PIGG: variants seen among roughly 807,000 people sequenced by gnomAD.
PIGG encodes phosphatidylinositol glycan anchor biosynthesis class G (EMM blood group), also known as GPI ethanolamine phosphate transferase 2, catalytic subunit.
Under a neutral mutation model 83.2 loss-of-function variants are expected in PIGG, and 70 were observed. That is an observed-to-expected ratio of 0.84 (90% CI 0.69 to 1.03). PIGG has a LOEUF of 1.03. Among genes scored for constraint, PIGG ranks in the 50% least tolerant of loss-of-function variants. PIGG has a pLI of 0.00. For missense variants in PIGG, 1,257 were observed against 1,233.6 expected, an observed-to-expected ratio of 1.02 and a Z score of -0.28; for synonymous variants, 532 against 519.5, an observed-to-expected ratio of 1.02 and a Z score of -0.33.
chr4:503,803 A>G lies in PIGG; in HGVS notation c.361-1915A>G, dbSNP rs80020743. 3.8e-3 allele frequency among the ~76,000 whole-genome samples: 582 copies of G among 151,600 alleles called. 6 individuals are homozygous for G. Among genetic ancestry groups the G allele is most frequent in the African/African-American group, 0.013 (552 of 41,268 alleles). ...AGAGTAATTTGTATAGTTTGCTACCATTTTGGTAAAAAATGTGTACCTTCA... is the reference window on the plus strand; with the variant it reads ...AGAGTAATTTGTATAGTTTGCTACCGTTTTGGTAAAAAATGTGTACCTTCA... On this transcript the variant is annotated intron_variant, in intron 2 of 12. Transcript: ENST00000453061.
intron 5 of PIGG, among the ~76,000 whole-genome samples, chr4:510,045 C>T (rs528990610): frequency 2.4e-3 from 368 of 152,210 alleles, no homozygotes; most frequent in African/African-American, 8.5e-3. Flanking sequence ...GCTTCTTGGC[C>T]GAGACCAGCT....
At position 501,240 on chromosome 4, in the gene PIGG, A is replaced by G. The variant is rs1048455628; in HGVS notation, c.360+639A>G. 5.3e-5 allele frequency: 23 copies of G among 431,504 alleles called. No homozygotes were observed. In the East Asian group the frequency reaches 1.5e-3, roughly 28 times the overall value. The allele number at this position is 431,504 out of a possible 1,614,324, so 26.7% of individuals were successfully genotyped here. A position where few individuals can be genotyped will look rare whatever the true frequency, so the allele number is the denominator to read the frequency against. On this transcript the variant is annotated intron_variant, in intron 2 of 12. Transcript: ENST00000453061. Reference sequence around the variant, plus strand: ...GTGGTGATACTTCAATGGGTATGCAATTGGGGAAAAAATAGTATCTCTGCC... The same window carrying G: ...GTGGTGATACTTCAATGGGTATGCAGTTGGGGAAAAAATAGTATCTCTGCC...
rs1725838017 is a variant in PIGG, at chr4:521,400, C to G, written c.1332+127C>G. The G allele has an allele frequency of 1.9e-5, 14 of 728,006 alleles. No individual in the cohort carries two copies. In the South Asian group the frequency reaches 2.9e-4, roughly 15 times the overall value. 45.1% of individuals were successfully genotyped at this position (728,006 alleles called of 1,614,324 possible). On this transcript the variant is annotated intron_variant, in intron 7 of 12. Transcript: ENST00000453061. ...GGAAAATATTAATTTTCTTGTTTAA[C>G]TCTTTCGTGGTGTGTCCTGATTTGT...
At chr4:529,495 G>A (rs954051142) in intron 10 of PIGG, among the ~76,000 whole-genome samples, 9 of 151,794 alleles carry the variant, frequency 5.9e-5, no homozygotes, top group Admixed American at 2.0e-4. Flanking sequence ...ATCTAATATA[G>A]GAAAATTCAG....
rs1184225471 is a variant in PIGG, at chr4:500,175, A to G, written c.155-221A>G. 6 of 573,528 alleles carry G rather than the reference A, an allele frequency of 1.0e-5. No individual in the cohort carries two copies. The Admixed American group carries it at 1.8e-4, about 17-fold the overall frequency. The allele number at this position is 573,528 out of a possible 1,614,324, so 35.5% of individuals were successfully genotyped here. On this transcript the variant is annotated intron_variant, in intron 1 of 12. Coordinates refer to ENST00000453061, the MANE Select transcript of PIGG (RefSeq NM_001127178.3). ...AGTACTCTTCACCATACTGAGGATA[A>G]TTCACTGCTTGCTACTGTGGGTCCC... is the stretch of plus-strand genomic sequence containing the variant.
At chr4:535,059 G>A (rs984496938) in intron 12 of PIGG, among the ~76,000 whole-genome samples, 5 of 152,252 alleles carry the variant, frequency 3.3e-5, no homozygotes, top group Non-Finnish European at 7.3e-5. Flanking sequence ...AAGAAAGGAG[G>A]CTTTGTGAGG....
chr4:534,598 G>A (rs1729931643), intron 12 of PIGG, among the ~76,000 whole-genome samples: 1 of 152,238 alleles, frequency 6.6e-6, no homozygotes, highest in African/African-American at 2.4e-5. Context: ...AGCTGCGTCT[G>A]GCCTGCCCTC....
intron 10 of PIGG, among the ~76,000 whole-genome samples, chr4:529,781 A>G (rs886107276): frequency 1.3e-5 from 2 of 152,122 alleles, no homozygotes; most frequent in Non-Finnish European, 2.9e-5. Flanking sequence ...TTTTCTCTCC[A>G]TTTCACAAAT....
intron 4 of PIGG, among the ~76,000 whole-genome samples, chr4:507,955 T>C (rs1577027410): frequency 1.3e-5 from 2 of 152,108 alleles, no homozygotes; most frequent in Admixed American, 6.5e-5. Flanking sequence ...CACTCTCTCT[T>C]CTGTGTCACT....
intron 2 of PIGG, chr4:501,804 CA>C (rs1324051124): frequency 6.6e-6 from 1 of 152,358 alleles, no homozygotes; most frequent in Non-Finnish European, 1.5e-5. Context: ...CAGTGAAGAA[CA>C]AGACAGCATT....
intron 4 of PIGG, among the ~76,000 whole-genome samples, chr4:508,235 C>G (rs1170631388): frequency 6.6e-6 from 1 of 152,190 alleles, no homozygotes; most frequent in East Asian, 1.9e-4. Context: ...GAGAAGCCTT[C>G]CCTGAAGACG....
chr4:504,406 A>G (rs1160907117), intron 2 of PIGG, among the ~76,000 whole-genome samples: 1 of 152,170 alleles, frequency 6.6e-6, no homozygotes, highest in African/African-American at 2.4e-5. Flanking sequence ...CCCTGTGTAG[A>G]AACACCATGG....
intron 8 of PIGG, among the ~76,000 whole-genome samples, chr4:523,117 T>C (rs936307440): frequency 2.0e-5 from 3 of 152,102 alleles, no homozygotes; most frequent in Non-Finnish European, 4.4e-5. Flanking sequence ...TTGGGCAAGC[T>C]CTCTGGGCTG....
In PIGG at chr4:528,488, G is replaced by A; in HGVS notation, c.2261+1258G>A. The A allele has an allele frequency of 2.0e-6, 2 of 985,348 alleles. No individual in the cohort carries two copies. Among genetic ancestry groups the A allele is most frequent in the Non-Finnish European group, 2.4e-6 (2 of 829,908 alleles). 61.0% of individuals were successfully genotyped at this position (985,348 alleles called of 1,614,324 possible). On this transcript the variant is annotated intron_variant, in intron 10 of 12. Transcript: ENST00000453061. This position sits in a 1 kb window ranked among gnomAD's most constrained non-coding sequence, Gnocchi z 4.8. ...TGGCTGAGTGGGGAGTAAGGGGTGG[G>A]AGTTAGGGTGACCTGAGGCCTGGCT... is the stretch of plus-strand genomic sequence containing the variant.
intron 6 of PIGG, 78 bp from the exon 7 acceptor site, chr4:520,978 G>A: frequency 5.9e-6 from 6 of 1,009,202 alleles, no homozygotes; most frequent in South Asian, 5.4e-5. Flanking sequence ...ATGCATAACC[G>A]AATACTTTGA....
At chr4:535,450 A>ACCGCGGCCCGGCCTCCTCCCC (rs1560383451) in intron 12 of PIGG, among the ~76,000 whole-genome samples, 1 of 103,558 alleles carries the variant, frequency 9.7e-6, no homozygotes, top group African/African-American at 4.9e-5. Flanking sequence ...CCTCCCGGGC[A>ACCGCGGCCCGGCCTCCTCCCC]GGCGAGCGTC....
intron 4 of PIGG, among the ~76,000 whole-genome samples, chr4:507,980 ACTCT>A (rs1281607896): frequency 8.2e-5 from 12 of 146,230 alleles, no homozygotes; most frequent in Non-Finnish European, 1.8e-4. Context: ...GTTCTGTGTC[ACTCT>A]CTCTGCTCTG....
intron 3 of PIGG, chr4:506,710 A>G (rs1577020251): frequency 8.8e-6 from 4 of 454,788 alleles, no homozygotes; most frequent in East Asian, 6.9e-5. Flanking sequence ...TGACAGCTCT[A>G]TTGGGGGCTG....
chr4:519,349 A>G (rs973115269), intron 6 of PIGG, among the ~76,000 whole-genome samples: 1 of 152,096 alleles, frequency 6.6e-6, no homozygotes, highest in Non-Finnish European at 1.5e-5. Context: ...CGCTCCATGG[A>G]TATTTGTTTC....
Sources: gnomAD v4.1 joint callset for allele counts (sites outside exome capture counted in the v4.1 genomes callset) on GRCh38, gnomAD v4.1.1 for gene constraint, Gnocchi (gnomAD v3.1) non-coding constraint, MANE v1.5 for transcripts, NCBI Gene and HGNC (gene_info 2026-07-23, HGNC 2026-07-21) for gene names.